MAGOH: variants seen among roughly 807,000 people sequenced by gnomAD.
MAGOH encodes the protein mago homolog, exon junction complex subunit, also known as protein mago nashi homolog.
A neutral mutation model predicts 20.9 loss-of-function variants in MAGOH; 3 were observed. That is an observed-to-expected ratio of 0.14 (90% CI 0.07 to 0.37). The LOEUF (loss-of-function observed/expected upper bound fraction) is 0.37. MAGOH is among the 10% of genes least tolerant of loss of function. MAGOH has a pLI of 1.00. For missense variants in MAGOH, 66 were observed against 178.1 expected (o/e 0.37, Z 3.58); for synonymous variants, 51 against 61.0 (o/e 0.84, Z 0.76).
At chr1:53,232,560 T>C (rs918040606) in intron 3 of MAGOH, among the ~76,000 whole-genome samples, 1 of 152,186 alleles carries the variant, frequency 6.6e-6, no homozygotes, top group African/African-American at 2.4e-5. Context: ...TTTGAAGACC[T>C]CAATAATAGA....
intron 1 of MAGOH, among the ~76,000 whole-genome samples, chr1:53,236,975 G>C (rs1572398339): frequency 7.6e-6 from 1 of 132,420 alleles, no homozygotes; most frequent in Admixed American, 8.2e-5. Flanking sequence ...TTTTGAGACA[G>C]AGTCTTGCTC....
At chr1:53,234,000 A>C in intron 2 of MAGOH, 1 of 215,292 alleles carries the variant, frequency 4.6e-6, no homozygotes, top group East Asian at 1.2e-4. Context: ...AAAAAATCAT[A>C]CTGAAATTAA....
chr1:53,237,535 G>A (rs1379395878), intron 1 of MAGOH, among the ~76,000 whole-genome samples: 2 of 151,306 alleles, frequency 1.3e-5, no homozygotes, highest in African/African-American at 2.4e-5. Context: ...TTAGCCGGGC[G>A]TGGTGGTGGG....
intron 4 of MAGOH, 102 bp from the exon 5 acceptor site, chr1:53,227,246 A>T (rs999542609): frequency 1.9e-6 from 1 of 528,342 alleles, no homozygotes; most frequent in African/African-American, 2.0e-5. Flanking sequence ...TTATGAGGTA[A>T]TTTAAATATG....
rs368006653 is a variant in MAGOH at position 53,233,574 on chromosome 1, A to G, written c.226T>C (p.Leu76=). 5.6e-6 allele frequency: 9 copies of G among 1,613,974 alleles called. No homozygotes were observed. The highest frequency in any genetic ancestry group is 2.7e-5 in the African/African-American group (2 of 74,918). ...CCCACTCGGTCAGGAGGAGGCCACAATGCATCATCCTCTTTGGTAATTTCA... is the reference window on the plus strand; with the variant it reads ...CCCACTCGGTCAGGAGGAGGCCACAGTGCATCATCCTCTTTGGTAATTTCA... The part of the protein sequence containing the change: ...DSEITKEDDA[L]WPPPDRVGRQ... Residue 76 remains leucine (L), a synonymous_variant, in exon 3 of 5, where the codon TTG becomes CTG. Coordinates refer to ENST00000371470, the MANE Select transcript of MAGOH (RefSeq NM_002370.4).
intron 4 of MAGOH, among the ~76,000 whole-genome samples, chr1:53,228,174 G>GT (rs1248381975): frequency 6.6e-6 from 1 of 152,148 alleles, no homozygotes; most frequent in Non-Finnish European, 1.5e-5. Context: ...GCTCACGCCT[G>GT]TAATTCCAGC....
chr1:53,228,852 TA>T lies in MAGOH; in HGVS notation c.341+19del. 1.9e-6 allele frequency: 3 copies of T among 1,563,652 alleles called. No individual in the cohort carries two copies. The highest frequency in any genetic ancestry group is 2.6e-6 in the Non-Finnish European group (3 of 1,134,252). ...GCTCCAAAACAGACACAACTGGATA[TA>T]AGGATCATGCACACTTACTTGGATT... On this transcript the variant is annotated intron_variant, in intron 4 of 4. Coordinates refer to ENST00000371470, the MANE Select transcript of MAGOH (RefSeq NM_002370.4).
chr1:53,233,814 G>T, intron 2 of MAGOH, 162 bp from the exon 3 acceptor site: 2 of 584,706 alleles, frequency 3.4e-6, no homozygotes, highest in Non-Finnish European at 6.2e-6. Context: ...GCAGGTGAGG[G>T]ACACGGTCAG....
At chr1:53,237,673 C>CAAAAAAAA (rs1231950502) in intron 1 of MAGOH, among the ~76,000 whole-genome samples, 3 of 55,328 alleles carry the variant, frequency 5.4e-5, no homozygotes, top group East Asian at 6.8e-4. Flanking sequence ...AAAGCCGTCT[C>CAAAAAAAA]AAAAAAAAAA....
chr1:53,233,400 C>G, intron 3 of MAGOH, 142 bp downstream of exon 3: 3 of 561,962 alleles, frequency 5.3e-6, no homozygotes, highest in Non-Finnish European at 9.7e-6. Flanking sequence ...TAATTATGTT[C>G]TATTTCTCTT....
chr1:53,227,258 T>G (rs1645564986), intron 4 of MAGOH, 114 bp from the exon 5 acceptor site: 1 of 504,818 alleles, frequency 2.0e-6, no homozygotes, highest in African/African-American at 2.0e-5. Context: ...TTAAATATGC[T>G]GAGTTTTTAA....
chr1:53,238,346 G>A lies in MAGOH; in HGVS notation c.88+15C>T, dbSNP rs750252678. ...GCCTGGTCCCCGCTCCCGGCGGGCG[G>A]CAGGCTGCTTTTACCGTCCGGTCGA... On this transcript the variant is annotated intron_variant, in intron 1 of 4. Coordinates refer to ENST00000371470, the MANE Select transcript of MAGOH (RefSeq NM_002370.4). 9 of 1,613,512 alleles carry A rather than the reference G, an allele frequency of 5.6e-6. No homozygotes were observed. The highest frequency in any genetic ancestry group is 3.3e-5 in the South Asian group (3 of 91,084).
At chr1:53,229,041 A>G in intron 3 of MAGOH, 87 bp from the exon 4 acceptor site, 1 of 882,880 alleles carries the variant, frequency 1.1e-6, no homozygotes, top group Admixed American at 1.9e-5. Context: ...CAAATCACAC[A>G]AACTTGACTA....
At chr1:53,230,391 C>T (rs1237124392) in intron 3 of MAGOH, among the ~76,000 whole-genome samples, 1 of 152,080 alleles carries the variant, frequency 6.6e-6, no homozygotes, top group East Asian at 1.9e-4. Flanking sequence ...ATTTGTTCCA[C>T]TCTTGTTTCA....
chr1:53,233,752 T>C (rs1572397177), intron 2 of MAGOH, 100 bp from the exon 3 acceptor site: 1 of 789,354 alleles, frequency 1.3e-6, no homozygotes, highest in East Asian at 2.5e-5. Context: ...TGCAGACTTA[T>C]TTCTGGCATC....
intron 2 of MAGOH, among the ~76,000 whole-genome samples, chr1:53,235,047 T>C (rs1157961169): frequency 6.6e-6 from 1 of 152,164 alleles, no homozygotes; most frequent in African/African-American, 2.4e-5. Flanking sequence ...CCCCATCACA[T>C]GGGCTTACAA....
At chr1:53,230,915 AAT>A (rs1645583040) in intron 3 of MAGOH, among the ~76,000 whole-genome samples, 1 of 152,192 alleles carries the variant, frequency 6.6e-6, no homozygotes, top group Non-Finnish European at 1.5e-5. Context: ...TTAAGTTTTA[AAT>A]TTTTATTCCT....
intron 2 of MAGOH, 70 bp from the exon 3 acceptor site, chr1:53,233,722 A>C (rs1283193228): frequency 1.0e-6 from 1 of 978,920 alleles, no homozygotes; most frequent in African/African-American, 1.6e-5. Flanking sequence ...ATAGTGATGG[A>C]AGATAAAAAT....
chr1:53,238,277 CCA>C, intron 1 of MAGOH, 82 bp downstream of exon 1: 1 of 1,257,604 alleles, frequency 8.0e-7, no homozygotes, highest in Non-Finnish European at 1.2e-6. Context: ...CTCTAGTTCC[CCA>C]CAGATTTCCG....
Sources: allele counts gnomAD v4.1 joint callset (sites outside exome capture counted in the v4.1 genomes callset), GRCh38; gene constraint gnomAD v4.1.1; transcripts MANE v1.5; gene names NCBI Gene and HGNC (gene_info 2026-07-23, HGNC 2026-07-21).